The following ZKSCAN4 variants were observed in gnomAD, a reference collection of about 807,000 sequenced individuals.
ZKSCAN4 encodes zinc finger with KRAB and SCAN domains 4.
ZKSCAN4 carries 23 observed loss-of-function variants against 30.8 expected under a neutral mutation model. The observed-to-expected ratio is 0.75, with a 90% CI of 0.54 to 1.06. The LOEUF is 1.06. Ranked by LOEUF, ZKSCAN4 falls within the 50% of genes least tolerant of loss-of-function variation. ZKSCAN4 has a pLI of 0.00. For missense variants in ZKSCAN4, 556 were observed against 665.4 expected (o/e 0.84, Z 1.81); for synonymous variants, 208 against 252.5 (o/e 0.82, Z 1.67).
chr6:28,245,307 C>A lies in ZKSCAN4; in HGVS notation c.1447G>T (p.Ala483Ser). Residue 483 changes from alanine to serine, a missense_variant, in exon 5 of 5, where the codon GCT (alanine) becomes TCT (serine). Ala to Ser is a moderately conservative substitution (Grantham distance 99). Around this residue, in one of 3 missense-constraint regions of ZKSCAN4, gnomAD observed 433 missense variants for 511.5 expected, o/e 0.85. Transcript: ENST00000377294. ...TCATTACATTTATAAGACACGGGAG[C>A]CTCAGTATTTTCCCACTGGCTTTCC... ...RTESQWENTE[A>S]PVSYKCNECE... 1 of 1,614,050 alleles carries A rather than the reference C, an allele frequency of 6.2e-7. No homozygotes were observed. Among genetic ancestry groups the A allele is most frequent in the South Asian group, 1.1e-5 (1 of 91,068 alleles).
Position 28,252,034 on chromosome 6 carries a change from A to C in ZKSCAN4, c.-54T>G, listed in dbSNP as rs906445723. ...CTCTAGTTGCGACCTGTATATCTTC[A>C]GAGGATTCTGGAAGGGTGGTAAATT... On this transcript the variant is annotated 5_prime_UTR_variant, in exon 1 of 5. Transcript: ENST00000377294. 7 of 1,498,698 alleles carry C rather than the reference A, an allele frequency of 4.7e-6. No homozygotes were observed. The Admixed American group carries it at 1.2e-4, about 25-fold the overall frequency. 92.8% of individuals were successfully genotyped at this position (1,498,698 alleles called of 1,614,324 possible).
At chr6:28,253,685 G>A (rs1448415147), upstream of ZKSCAN4, among the ~76,000 whole-genome samples, 2 of 152,200 alleles carry the variant, frequency 1.3e-5, no homozygotes, top group African/African-American at 4.8e-5. This position sits in a 1 kb window ranked among gnomAD's most constrained non-coding sequence, Gnocchi z 4.2. Context: ...ATGGGACTCA[G>A]GCATTAATAA....
Position 28,244,774 on chromosome 6 carries a change from G to GC in ZKSCAN4, c.*341dup, listed in dbSNP as rs1326316547. 8.3e-6 allele frequency: 3 copies of GC among 363,370 alleles called. No individual in the cohort carries two copies. Among genetic ancestry groups the GC allele is most frequent in the Non-Finnish European group, 1.6e-5 (3 of 191,028 alleles). 22.5% of individuals were successfully genotyped at this position (363,370 alleles called of 1,614,324 possible). A position where few individuals can be genotyped will look rare whatever the true frequency, so the allele number is the denominator to read the frequency against. On this transcript the variant is annotated 3_prime_UTR_variant, in exon 5 of 5. Coordinates refer to ENST00000377294, the MANE Select transcript of ZKSCAN4 (RefSeq NM_019110.5). ...GGCAAAATGAATGGTCAGAGCAGCA[G>GC]CCCCCCACATCAGAGCCATCCAACC...
intron 2 of ZKSCAN4, 99 bp from the exon 3 acceptor site, chr6:28,248,248 A>G: frequency 1.2e-6 from 1 of 832,662 alleles, no homozygotes; most frequent in Non-Finnish European, 1.9e-6. Flanking sequence ...AGTTCTTGCC[A>G]ATAAGTTTAT....
rs774704663 is a variant in ZKSCAN4, at chr6:28,245,988, A to G, written c.779-13T>C. 3.7e-6 allele frequency: 6 copies of G among 1,614,190 alleles called. No individual in the cohort carries two copies. Among genetic ancestry groups the G allele is most frequent in the South Asian group, 2.2e-5 (2 of 91,084 alleles). ...TGTATTTCACCACCTGAAACAACAA[A>G]TGGCCGGCAACTGTGGGTTATGCCC... On this transcript the variant is annotated splice_polypyrimidine_tract_variant and intron_variant, in intron 4 of 4. Coordinates refer to ENST00000377294, the MANE Select transcript of ZKSCAN4 (RefSeq NM_019110.5).
upstream of ZKSCAN4, among the ~76,000 whole-genome samples, chr6:28,253,470 C>T (rs372521672): frequency 6.6e-6 from 1 of 152,202 alleles, no homozygotes; most frequent in Non-Finnish European, 1.5e-5. The surrounding 1 kb of genome is among the most constrained non-coding windows in gnomAD (Gnocchi z 4.2). Context: ...TCTTGATGAG[C>T]TACCACAGAA....
intron 3 of ZKSCAN4, 59 bp downstream of exon 3, chr6:28,248,008 G>T: frequency 7.8e-7 from 1 of 1,287,852 alleles, no homozygotes; most frequent in East Asian, 2.4e-5. Flanking sequence ...AACTTAATGC[G>T]GAGCCCAACA....
At position 28,245,446 on chromosome 6, in the gene ZKSCAN4, C is replaced by A. The variant is rs745789855; in HGVS notation, c.1308G>T (p.Met436Ile). 18 of 1,614,134 alleles carry A rather than the reference C, an allele frequency of 1.1e-5. No homozygotes were observed. The African/African-American group carries it at 2.3e-4, about 20-fold the overall frequency. ...HTGEKPYQCN[M>I]CGKAFRRNSH... ...AATTCCGCCTAAAGGCTTTGCCACA[C>A]ATATTGCACTGGTATGGCTTCTCCC... The change falls in exon 5 of 5, where the codon ATG becomes ATT. Residue 436 changes from methionine (M) to isoleucine (I), a missense_variant. Met to Ile is a conservative substitution (Grantham distance 10). Coordinates refer to ENST00000377294, the MANE Select transcript of ZKSCAN4 (RefSeq NM_019110.5).
intron 4 of ZKSCAN4, among the ~76,000 whole-genome samples, chr6:28,246,511 A>G (rs764812494): frequency 2.0e-5 from 3 of 152,090 alleles, no homozygotes; most frequent in African/African-American, 4.8e-5. Flanking sequence ...CTGTGCCACA[A>G]ATAAGCTATG....
At position 28,249,663 on chromosome 6, in the gene ZKSCAN4, T is replaced by A. The variant is rs771453731; in HGVS notation, c.571+24A>T. 2.4e-5 allele frequency: 39 copies of A among 1,604,806 alleles called. No individual in the cohort carries two copies. The highest frequency in any genetic ancestry group is 3.3e-5 in the Non-Finnish European group (39 of 1,176,176). On this transcript the variant is annotated intron_variant, in intron 2 of 4. Coordinates refer to ENST00000377294, the MANE Select transcript of ZKSCAN4 (RefSeq NM_019110.5). This position sits in a 1 kb window ranked among gnomAD's most constrained non-coding sequence, Gnocchi z 4.1. ...AATTGGATGAAGTCTATAGAATTCA[T>A]ACAACCCAGAAGAGAATACTCACCT...
intron 2 of ZKSCAN4, among the ~76,000 whole-genome samples, chr6:28,248,599 C>T (rs1156706094): frequency 6.6e-6 from 1 of 151,980 alleles, no homozygotes; most frequent in African/African-American, 2.4e-5. Context: ...GAGGCTGAGA[C>T]AGGTGGGTTG....
chr6:28,244,967 ATCG>A lies in ZKSCAN4; in HGVS notation c.*146_*148del. 1 of 1,000,866 alleles carries A rather than the reference ATCG, an allele frequency of 1.0e-6. No individual in the cohort carries two copies. The highest frequency in any genetic ancestry group is 1.6e-6 in the Non-Finnish European group (1 of 638,604). The allele number at this position is 1,000,866 out of a possible 1,614,324, so 62.0% of individuals were successfully genotyped here. Reference sequence around the variant, plus strand: ...CTTTCTAGAATGTAGAAGATAACTCATCGTCTCAGCCAGACTACATTTTCTAAT... The same window carrying A: ...CTTTCTAGAATGTAGAAGATAACTCATCTCAGCCAGACTACATTTTCTAAT... On this transcript the variant is annotated 3_prime_UTR_variant, in exon 5 of 5. Transcript: ENST00000377294.
rs3085840 is a variant in ZKSCAN4 at position 28,242,756 on chromosome 6, TACAC to T, written c.*2356_*2359del. Among the ~76,000 whole-genome samples the T allele has an allele frequency of 1.3e-4, 19 of 150,304 alleles. No homozygotes were observed. Among genetic ancestry groups the T allele is most frequent in the South Asian group, 6.3e-4 (3 of 4,772 alleles). On this transcript the variant is annotated 3_prime_UTR_variant, in exon 5 of 5. Coordinates refer to ENST00000377294, the MANE Select transcript of ZKSCAN4 (RefSeq NM_019110.5). ...CTAAAGACCTAAGCCTAAGTGTGTA[TACAC>T]ACACACACACACACACACAAATAGA...
chr6:28,255,622 G>T (rs146024447), upstream of ZKSCAN4, among the ~76,000 whole-genome samples: 20 of 150,024 alleles, frequency 1.3e-4, no homozygotes, highest in Admixed American at 1.2e-3. Context: ...CTTTTTTTTT[G>T]ATTCTCTGAA....
rs928080730 is a variant in ZKSCAN4 at position 28,244,517 on chromosome 6, C to T, written c.*599G>A. The T allele has an allele frequency of 1.8e-5, 3 of 163,564 alleles. No individual in the cohort carries two copies. The highest frequency in any genetic ancestry group is 1.8e-4 in the East Asian group (1 of 5,572). 10.1% of individuals were successfully genotyped at this position (163,564 alleles called of 1,614,324 possible). A position where few individuals can be genotyped will look rare whatever the true frequency, so the allele number is the denominator to read the frequency against. On this transcript the variant is annotated 3_prime_UTR_variant, in exon 5 of 5. Coordinates refer to ENST00000377294, the MANE Select transcript of ZKSCAN4 (RefSeq NM_019110.5). ...ACCCCAATTCTGAAAACAGTATGTA[C>T]GTGGCAACAAATACACTAGATTGGC... is the stretch of plus-strand genomic sequence containing the variant.
chr6:28,251,902 C>A lies in ZKSCAN4; in HGVS notation c.79G>T (p.Val27Leu). The A allele has an allele frequency of 6.5e-7, 1 of 1,536,208 alleles. No individual in the cohort carries two copies. The part of the protein sequence containing the change: ...EDQTGLLTVK[V>L]EKEEASALTA... ...AAGGCGGAGGCTTCCTCCTTCTCCA[C>A]CTTCACGGTCAGGAGCCCCGTCTGG... The change falls in exon 1 of 5, where the codon GTG (valine) becomes TTG (leucine). Residue 27 changes from valine (V) to leucine (L), a missense_variant. Transcript: ENST00000377294. The surrounding 1 kb of genome is among the most constrained non-coding windows in gnomAD (Gnocchi z 4.5).
chr6:28,244,257 G>A lies in ZKSCAN4; in HGVS notation c.*859C>T, dbSNP rs1401449950. ...CAAGATGGTAAGTGTTACAGAATGT[G>A]TTCAAAATTCATAATAATCATTTTG... is the stretch of plus-strand genomic sequence containing the variant. On this transcript the variant is annotated 3_prime_UTR_variant, in exon 5 of 5. Transcript: ENST00000377294. Among the ~76,000 whole-genome samples the A allele has an allele frequency of 1.3e-5, 2 of 152,124 alleles. No individual in the cohort carries two copies. Among genetic ancestry groups the A allele is most frequent in the Non-Finnish European group, 2.9e-5 (2 of 68,032 alleles).
chr6:28,254,892 G>T (rs189514502), upstream of ZKSCAN4, among the ~76,000 whole-genome samples: 3 of 152,370 alleles, frequency 2.0e-5, no homozygotes, highest in Admixed American at 6.5e-5. Context: ...AAAACTAGGT[G>T]AGACTTTGTA....
In ZKSCAN4 at chr6:28,248,098, A is replaced by G; in HGVS notation, c.623T>C (p.Met208Thr). The G allele has an allele frequency of 6.2e-7, 1 of 1,613,736 alleles. No individual in the cohort carries two copies. Among genetic ancestry groups the G allele is most frequent in the African/African-American group, 1.3e-5 (1 of 75,060 alleles). The change falls in exon 3 of 5, where the codon ATG (methionine) becomes ACG (threonine). Residue 208 changes from methionine to threonine, a missense_variant. Physicochemically the swap from Met to Thr is moderately conservative, Grantham distance 81. Around this residue, in one of 3 missense-constraint regions of ZKSCAN4, gnomAD observed 433 missense variants for 511.5 expected, o/e 0.85. Coordinates refer to ENST00000377294, the MANE Select transcript of ZKSCAN4 (RefSeq NM_019110.5). Reference sequence around the variant, plus strand: ...CCCTGGAGTGAGCCTGGAAGCTACCATTGCATCTTCTCTGCAGCACCCTCC... The same window carrying G: ...CCCTGGAGTGAGCCTGGAAGCTACCGTTGCATCTTCTCTGCAGCACCCTCC... ...AQGGCCREDA[M>T]VASRLTPGSQ...
Sources: allele counts gnomAD v4.1 joint callset (sites outside exome capture counted in the v4.1 genomes callset), GRCh38; gene constraint gnomAD v4.1.1; regional missense constraint gnomAD v4.1.1; non-coding constraint Gnocchi (gnomAD v3.1); transcripts MANE v1.5; gene names NCBI Gene and HGNC (gene_info 2026-07-23, HGNC 2026-07-21).